ZNF558: variants seen among roughly 807,000 people sequenced by gnomAD.
ZNF558 encodes the protein zinc finger protein 558.
ZNF558 carries 23 observed loss-of-function variants against 37.6 expected under a neutral mutation model. The ratio of observed to expected loss-of-function variants is 0.61; its 90% confidence interval spans 0.44 to 0.87. The LOEUF (loss-of-function observed/expected upper bound fraction) is 0.87. ZNF558 is among the 40% of genes least tolerant of loss of function. ZNF558 has a pLI of 0.00. For missense variants in ZNF558, 429 were observed against 483.7 expected (o/e 0.89, Z 1.06); for synonymous variants, 189 against 174.4 (o/e 1.08, Z -0.66).
At chr19:8,827,096 G>A (rs1363651396) in intron 2 of ZNF558, among the ~76,000 whole-genome samples, 1 of 151,836 alleles carries the variant, frequency 6.6e-6, no homozygotes, top group Non-Finnish European at 1.5e-5. Context: ...CCCTATTCAA[G>A]GCTGTCTGGA....
intron 4 of ZNF558, 68 bp downstream of exon 4, chr19:8,824,014 T>A (rs1409869171): frequency 6.5e-6 from 1 of 152,704 alleles, no homozygotes; most frequent in African/African-American, 2.4e-5. Flanking sequence ...AACGAGCCCT[T>A]GACGATCCCA....
Position 8,822,087 on chromosome 19 carries a change from C to T in ZNF558, c.36G>A (p.Pro12=), listed in dbSNP as rs140932208. The change falls in exon 6 of 10, where the codon CCG becomes CCA. Residue 12 remains proline, a synonymous_variant. Coordinates refer to ENST00000601372, the MANE Select transcript of ZNF558 (RefSeq NM_144693.3). The surrounding 1 kb of genome is among the most constrained non-coding windows in gnomAD (Gnocchi z 4.4). Reference sequence around the variant, plus strand: ...GCTGAGAGGCTGGGAACAGGGAAGACGGAGCTGGAGGAGGAGAAATGAGTC... The same window carrying T: ...GCTGAGAGGCTGGGAACAGGGAAGATGGAGCTGGAGGAGGAGAAATGAGTC... ...AAVILPSTAA[P]SSLFPASQQK... The T allele has an allele frequency of 6.4e-5, 104 of 1,613,888 alleles. No individual in the cohort carries two copies. Among genetic ancestry groups the T allele is most frequent in the African/African-American group, 4.5e-4 (34 of 74,912 alleles).
upstream of ZNF558, chr19:8,833,072 A>G (rs1380239119): frequency 1.3e-5 from 2 of 152,678 alleles, no homozygotes; most frequent in African/African-American, 4.8e-5. Context: ...GTGGGTGGAG[A>G]CCAGTTCCAG....
chr19:8,834,441 C>G (rs1051505823), upstream of ZNF558, among the ~76,000 whole-genome samples: 21 of 151,826 alleles, frequency 1.4e-4, no homozygotes, highest in African/African-American at 5.1e-4. Context: ...AACCCCGTCT[C>G]TACTAAAAAT....
chr19:8,821,100 C>T (rs1279862677), intron 7 of ZNF558, 80 bp downstream of exon 7: 4 of 1,546,418 alleles, frequency 2.6e-6, no homozygotes, highest in African/African-American at 2.8e-5. Context: ...TGGATTTTAC[C>T]ACAATAAAAA....
rs977984333 is a variant in ZNF558, at chr19:8,808,646, A to C, written c.*2635T>G. ...TATACATTGTTTTCAAAGAAACAAC[A>C]TGGGTAAAACTTGACCAATTTATAG... On this transcript the variant is annotated 3_prime_UTR_variant, in exon 10 of 10. Transcript: ENST00000601372. 3.9e-5 allele frequency: 6 copies of C among 152,244 alleles called. No homozygotes were observed. The highest frequency in any genetic ancestry group is 7.3e-5 in the Non-Finnish European group (5 of 68,046). The allele number at this position is 152,244 out of a possible 1,614,324, so 9.4% of individuals were successfully genotyped here. A position where few individuals can be genotyped will look rare whatever the true frequency, so the allele number is the denominator to read the frequency against.
Position 8,811,354 on chromosome 19 carries a change from T to C in ZNF558, c.1136A>G (p.Asn379Ser), listed in dbSNP as rs576934175. Residue 379 changes from asparagine to serine, a missense_variant, in exon 10 of 10, where the codon AAT becomes AGT. Physicochemically the swap from Asn to Ser is conservative, Grantham distance 46 (BLOSUM62 1). Coordinates refer to ENST00000601372, the MANE Select transcript of ZNF558 (RefSeq NM_144693.3). The part of the protein sequence containing the change: ...THTGEKPYEC[N>S]HCGKSFTSNS... ...ACTTGTGAAGGATTTCCCACAATGATTACATTCATAGGGTTTTTCTCCAGT... is the reference window on the plus strand; with the variant it reads ...ACTTGTGAAGGATTTCCCACAATGACTACATTCATAGGGTTTTTCTCCAGT... The C allele has an allele frequency of 1.2e-6, 2 of 1,613,188 alleles. No homozygotes were observed. The highest frequency in any genetic ancestry group is 1.3e-5 in the African/African-American group (1 of 74,996).
chr19:8,832,723 C>G (rs529448277), upstream of ZNF558, among the ~76,000 whole-genome samples: 145 of 151,234 alleles, frequency 9.6e-4, 1 homozygote, highest in African/African-American at 3.1e-3. Context: ...GTTCTCGGGG[C>G]GGATGGTATA....
intron 7 of ZNF558, among the ~76,000 whole-genome samples, chr19:8,813,959 GGT>G (rs2043863831): frequency 6.6e-6 from 1 of 152,238 alleles, no homozygotes; most frequent in Admixed American, 6.5e-5. Context: ...GGAACACAGA[GGT>G]GCTCAAGAAA....
intron 6 of ZNF558, 100 bp downstream of exon 6, chr19:8,821,903 G>C: frequency 6.5e-7 from 1 of 1,550,190 alleles, no homozygotes; most frequent in South Asian, 1.2e-5. Context: ...GGATGCCTGA[G>C]GACCTGGTTT....
At chr19:8,837,680 C>T in the ZNF558 span, among the ~76,000 whole-genome samples, 2 of 152,186 alleles carry the variant, frequency 1.3e-5, no homozygotes, top group African/African-American at 4.8e-5. Context: ...CAAGTTCTTG[C>T]TTTCCCACAG....
intron 2 of ZNF558, among the ~76,000 whole-genome samples, chr19:8,830,450 C>T (rs969578871): frequency 6.6e-6 from 1 of 152,022 alleles, no homozygotes; most frequent in Non-Finnish European, 1.5e-5. Flanking sequence ...CAAATGTTTT[C>T]AAATCTCATT....
Position 8,811,261 on chromosome 19 carries a change from C to G in ZNF558, c.*20G>C. ...ATGAAAGATCAATGAGTGCTTTCCTCCAGAAGTTCCTGCAGTAATTCATAT... is the reference window on the plus strand; with the variant it reads ...ATGAAAGATCAATGAGTGCTTTCCTGCAGAAGTTCCTGCAGTAATTCATAT... On this transcript the variant is annotated 3_prime_UTR_variant, in exon 10 of 10. Coordinates refer to ENST00000601372, the MANE Select transcript of ZNF558 (RefSeq NM_144693.3). The G allele has an allele frequency of 1.3e-6, 2 of 1,536,816 alleles. No homozygotes were observed. The highest frequency in any genetic ancestry group is 1.7e-6 in the Non-Finnish European group (2 of 1,144,578).
At position 8,808,136 on chromosome 19, in the gene ZNF558, T is replaced by A. The variant is rs749086148; in HGVS notation, c.*3145A>T. 2 of 152,056 alleles carry A rather than the reference T, an allele frequency of 1.3e-5. No homozygotes were observed. Among genetic ancestry groups the A allele is most frequent in the South Asian group, 2.1e-4 (1 of 4,818 alleles). 9.4% of individuals were successfully genotyped at this position (152,056 alleles called of 1,614,324 possible). On this transcript the variant is annotated 3_prime_UTR_variant, in exon 10 of 10. Coordinates refer to ENST00000601372, the MANE Select transcript of ZNF558 (RefSeq NM_144693.3). ...GCCTGGCCAACATGGTGAAACCCCA[T>A]CTCTACTAAAAATATAAAAAAATTA...
chr19:8,825,729 C>A (rs956582408), intron 2 of ZNF558, among the ~76,000 whole-genome samples: 1 of 151,996 alleles, frequency 6.6e-6, no homozygotes, highest in African/African-American at 2.4e-5. Flanking sequence ...AGGGTGAGTT[C>A]GGGTTCCGTC....
chr19:8,811,165 C>G lies in ZNF558; in HGVS notation c.*116G>C, dbSNP rs868909347. 1 of 1,129,950 alleles carries G rather than the reference C, an allele frequency of 8.8e-7. No individual in the cohort carries two copies. Among genetic ancestry groups the G allele is most frequent in the Non-Finnish European group, 1.2e-6 (1 of 815,034 alleles). 70.0% of individuals were successfully genotyped at this position (1,129,950 alleles called of 1,614,324 possible). A position where few individuals can be genotyped will look rare whatever the true frequency, so the allele number is the denominator to read the frequency against. ...TTCGTGTTTGAAGCCACAAAATTTG[C>G]GGGGATCATTTGTTATGCTGCAACA... On this transcript the variant is annotated 3_prime_UTR_variant, in exon 10 of 10. Coordinates refer to ENST00000601372, the MANE Select transcript of ZNF558 (RefSeq NM_144693.3).
the ZNF558 span, among the ~76,000 whole-genome samples, chr19:8,837,518 C>T: frequency 6.6e-5 from 10 of 152,156 alleles, no homozygotes; most frequent in Non-Finnish European, 1.2e-4. Context: ...CAGGGCTCGA[C>T]AACCACTTAA....
chr19:8,813,903 T>G (rs2043862517), intron 7 of ZNF558, among the ~76,000 whole-genome samples: 1 of 152,192 alleles, frequency 6.6e-6, no homozygotes, highest in Non-Finnish European at 1.5e-5. Context: ...GGTGGGACCA[T>G]ATGGTCCCAT....
the ZNF558 span, among the ~76,000 whole-genome samples, chr19:8,837,660 A>G: frequency 2.6e-5 from 4 of 152,204 alleles, no homozygotes; most frequent in Non-Finnish European, 5.9e-5. Context: ...CACTGGCCTC[A>G]TGGACAAGAC....
Sources: gnomAD v4.1 joint callset for allele counts (sites outside exome capture counted in the v4.1 genomes callset) on GRCh38, gnomAD v4.1.1 for gene constraint, Gnocchi (gnomAD v3.1) non-coding constraint, MANE v1.5 for transcripts, NCBI Gene and HGNC (gene_info 2026-07-23, HGNC 2026-07-21) for gene names.